Variants in CPED1 observed in about 807,000 individuals in gnomAD.
The protein encoded by CPED1 is cadherin-like and PC-esterase domain-containing protein 1.
Under a neutral mutation model 128.2 loss-of-function variants are expected in CPED1, and 114 were observed. The observed-to-expected ratio is 0.89, with a 90% CI of 0.76 to 1.04. CPED1 has a LOEUF of 1.04. Ranked by LOEUF, CPED1 falls within the 50% of genes least tolerant of loss-of-function variation. The pLI, the probability that CPED1 is intolerant of heterozygous loss-of-function variation, is 0.00. For synonymous variants in CPED1, 462 were observed against 426.7 expected, an observed-to-expected ratio of 1.08 and a Z score of -1.02; for missense variants, 1,211 against 1,207.1, an observed-to-expected ratio of 1.00 and a Z score of -0.05.
At position 120,989,830 on chromosome 7, in the gene CPED1, A is replaced by G; in HGVS notation, c.209A>G (p.Gln70Arg). 6.2e-7 allele frequency: 1 copy of G among 1,614,158 alleles called. No homozygotes were observed. Among genetic ancestry groups the G allele is most frequent in the Non-Finnish European group, 8.5e-7 (1 of 1,180,030 alleles). ...RCKKGFSQDK[Q>R]CFLLSGNAQE... ...AAGAAAGGATTCTCTCAGGACAAAC[A>G]GTGCTTCCTTCTCTCTGGTAATGCC... The change falls in exon 2 of 23, where the codon CAG becomes CGG. Residue 70 changes from glutamine to arginine, a missense_variant. Coordinates refer to ENST00000310396, the MANE Select transcript of CPED1 (RefSeq NM_024913.5).
At chr7:121,255,165 A>C (rs1256446291) in intron 18 of CPED1, among the ~76,000 whole-genome samples, 1 of 152,066 alleles carries the variant, frequency 6.6e-6, no homozygotes, top group Non-Finnish European at 1.5e-5. Context: ...TCTCAACCAA[A>C]TACTAGCAAA....
intron 7 of CPED1, among the ~76,000 whole-genome samples, chr7:121,120,518 A>T (rs930217677): frequency 6.6e-5 from 10 of 152,198 alleles, no homozygotes; most frequent in African/African-American, 2.4e-4. Flanking sequence ...GTTCTTTGAC[A>T]CATAGTAACA....
chr7:121,254,228 A>AT (rs1562852014), intron 18 of CPED1, among the ~76,000 whole-genome samples: 1 of 152,136 alleles, frequency 6.6e-6, no homozygotes, highest in African/African-American at 2.4e-5. Context: ...CCACAGTACA[A>AT]TAAAAACAGA....
intron 16 of CPED1, among the ~76,000 whole-genome samples, chr7:121,190,346 C>T (rs752705007): frequency 1.4e-5 from 2 of 145,650 alleles, no homozygotes; most frequent in African/African-American, 5.2e-5. Context: ...GAGCCGAGAT[C>T]GCGCCACTGT....
chr7:121,169,329 C>A (rs1032530677), intron 16 of CPED1, among the ~76,000 whole-genome samples: 2 of 152,034 alleles, frequency 1.3e-5, no homozygotes, highest in Non-Finnish European at 2.9e-5. Flanking sequence ...TAGGAAAAAG[C>A]AACTTTATTG....
intron 11 of CPED1, among the ~76,000 whole-genome samples, chr7:121,129,295 A>G (rs1476356302): frequency 1.5e-3 from 14 of 9,268 alleles, no homozygotes; most frequent in South Asian, 3.6e-3. Flanking sequence ...ATGTATATAT[A>G]TATATATATA....
At chr7:121,110,315 A>G (rs1795078767) in intron 7 of CPED1, among the ~76,000 whole-genome samples, 1 of 152,206 alleles carries the variant, frequency 6.6e-6, no homozygotes, top group Non-Finnish European at 1.5e-5. Context: ...CTTGTATGGA[A>G]TGACAGATGA....
intron 11 of CPED1, among the ~76,000 whole-genome samples, chr7:121,129,269 A>C (rs957325372): frequency 7.0e-6 from 1 of 142,648 alleles, no homozygotes; most frequent in African/African-American, 2.6e-5. Context: ...TAAAAAGTAT[A>C]TGTGTGTGTG....
At chr7:120,992,404 C>T (rs1796323077) in intron 2 of CPED1, among the ~76,000 whole-genome samples, 1 of 152,112 alleles carries the variant, frequency 6.6e-6, no homozygotes, top group African/African-American at 2.4e-5. Flanking sequence ...GAAATGTATA[C>T]ATCCATGACA....
At chr7:121,238,836 T>A (rs1397302142) in intron 17 of CPED1, among the ~76,000 whole-genome samples, 1 of 151,812 alleles carries the variant, frequency 6.6e-6, no homozygotes, top group South Asian at 2.1e-4. Context: ...TTACCTAGAT[T>A]ATAGGCTTCT....
At chr7:121,170,468 A>C (rs1005616390) in intron 16 of CPED1, among the ~76,000 whole-genome samples, 1 of 152,098 alleles carries the variant, frequency 6.6e-6, no homozygotes, top group African/African-American at 2.4e-5. Context: ...TAACTTAATA[A>C]ATATAATTAA....
intron 17 of CPED1, among the ~76,000 whole-genome samples, chr7:121,239,777 A>AAATC (rs1424281032): frequency 1.3e-5 from 2 of 152,330 alleles, no homozygotes; most frequent in East Asian, 3.9e-4. Context: ...GAAATGGCTG[A>AAATC]AATCTAACTT....
chr7:121,265,180 T>A (rs1372879015), intron 18 of CPED1, among the ~76,000 whole-genome samples: 37 of 152,026 alleles, frequency 2.4e-4, no homozygotes, highest in Non-Finnish European at 4.4e-5. Flanking sequence ...CAAATCATGT[T>A]TAGCAGAAAA....
At position 121,015,701 on chromosome 7, in the gene CPED1, G is replaced by A. The variant is rs1356749228; in HGVS notation, c.286G>A (p.Gly96Ser). ...ESMETHFGSH[G>S]RRAILYRPPF... ...AATGGAGACACACTTTGGCAGCCAT[G>A]GCCGAAGGGCCATACTCTACAGGCC... The change falls in exon 3 of 23, where the codon GGC becomes AGC. Residue 96 changes from glycine (G) to serine (S), a missense_variant. Transcript: ENST00000310396. 6.2e-7 allele frequency: 1 copy of A among 1,602,506 alleles called. No homozygotes were observed. The highest frequency in any genetic ancestry group is 8.5e-7 in the Non-Finnish European group (1 of 1,176,502).
chr7:121,274,514 T>A (rs2116761047), intron 22 of CPED1, among the ~76,000 whole-genome samples: 1 of 152,262 alleles, frequency 6.6e-6, no homozygotes, highest in Non-Finnish European at 1.5e-5. Flanking sequence ...CAGAGTAGTG[T>A]TATCTATTTT....
intron 4 of CPED1, among the ~76,000 whole-genome samples, chr7:121,063,381 GAAAAAA>G (rs368502123): frequency 1.3e-4 from 9 of 67,044 alleles, no homozygotes; most frequent in African/African-American, 4.3e-4. Flanking sequence ...TGAAGAAACT[GAAAAAA>G]AAAAAAAAAA....
chr7:121,284,485 T>G (rs1209756341), intron 22 of CPED1, among the ~76,000 whole-genome samples: 1 of 152,178 alleles, frequency 6.6e-6, no homozygotes, highest in African/African-American at 2.4e-5. Flanking sequence ...AAATCTCATC[T>G]GAGACAAGGC....
intron 16 of CPED1, among the ~76,000 whole-genome samples, chr7:121,227,308 G>C (rs1798037556): frequency 6.6e-6 from 1 of 151,944 alleles, no homozygotes; most frequent in Non-Finnish European, 1.5e-5. Context: ...GCTTCAATCA[G>C]AAGCCGTGTT....
chr7:121,213,489 T>A (rs1797693053), intron 16 of CPED1, among the ~76,000 whole-genome samples: 1 of 152,054 alleles, frequency 6.6e-6, no homozygotes, highest in Non-Finnish European at 1.5e-5. Context: ...AAGAGTTAGG[T>A]GTACCTTATC....
Sources: gnomAD v4.1 joint callset for allele counts (sites outside exome capture counted in the v4.1 genomes callset) on GRCh38, gnomAD v4.1.1 for gene constraint, MANE v1.5 for transcripts, NCBI Gene and HGNC (gene_info 2026-07-23, HGNC 2026-07-21) for gene names.